FAM162B: variants seen among roughly 807,000 people sequenced by gnomAD.
FAM162B encodes the protein protein FAM162B.
In FAM162B, 16 loss-of-function variants were observed where a neutral mutation model predicts 20.0. The ratio of observed to expected loss-of-function variants is 0.80; its 90% confidence interval spans 0.54 to 1.21. The LOEUF (loss-of-function observed/expected upper bound fraction) is 1.21. Ranked by LOEUF, FAM162B falls within the 50% of genes most tolerant of loss-of-function variation. FAM162B has a pLI of 0.00. For synonymous variants in FAM162B, 83 were observed against 89.7 expected, an observed-to-expected ratio of 0.93 and a Z score of 0.42; for missense variants, 260 against 227.5, an observed-to-expected ratio of 1.14 and a Z score of -0.92.
rs1035503362 is a variant in FAM162B, at chr6:116,765,628, G to C, written c.-52C>G. The C allele has an allele frequency of 2.4e-6, 3 of 1,270,736 alleles. No homozygotes were observed. The highest frequency in any genetic ancestry group is 3.0e-6 in the Non-Finnish European group (3 of 1,012,694). The allele number at this position is 1,270,736 out of a possible 1,614,324, so 78.7% of individuals were successfully genotyped here. A position where few individuals can be genotyped will look rare whatever the true frequency, so the allele number is the denominator to read the frequency against. ...CGCACCTCCGGACCCAGCCACAGGCGTTGTCCCCGCAGCTCTCCTCGTCCC... is the reference window on the plus strand; with the variant it reads ...CGCACCTCCGGACCCAGCCACAGGCCTTGTCCCCGCAGCTCTCCTCGTCCC... On this transcript the variant is annotated 5_prime_UTR_variant, in exon 1 of 4. Coordinates refer to ENST00000368557, the MANE Select transcript of FAM162B (RefSeq NM_001085480.3).
chr6:116,756,554 G>C (rs72962079), intron 3 of FAM162B, among the ~76,000 whole-genome samples: 6,680 of 152,298 alleles, frequency 0.044, 208 homozygotes, highest in Middle Eastern at 0.1. Flanking sequence ...GGTAGGGTTT[G>C]AGAGAACTGA....
intron 3 of FAM162B, among the ~76,000 whole-genome samples, chr6:116,754,581 A>G (rs1352907341): frequency 6.6e-6 from 1 of 152,210 alleles, no homozygotes; most frequent in Non-Finnish European, 1.5e-5. Context: ...CCTCTATGTC[A>G]GGAGTTGGAG....
In FAM162B at chr6:116,752,699, T is replaced by TGG; in HGVS notation, c.391-6_391-5dup. ...AGGATTCATGTCGTTCTACAGCCTGTGGGGGGGAAGAAATATATATATATA... is the reference window on the plus strand; with the variant it reads ...AGGATTCATGTCGTTCTACAGCCTGTGGGGGGGGGAAGAAATATATATATATA... On this transcript the variant is annotated splice_polypyrimidine_tract_variant and splice_region_variant and intron_variant, in intron 3 of 3. Coordinates refer to ENST00000368557, the MANE Select transcript of FAM162B (RefSeq NM_001085480.3). The TGG allele has an allele frequency of 1.4e-6, 2 of 1,430,348 alleles. No homozygotes were observed. The highest frequency in any genetic ancestry group is 1.6e-5 in the African/African-American group (1 of 61,616). The allele number at this position is 1,430,348 out of a possible 1,614,324, so 88.6% of individuals were successfully genotyped here. A position where few individuals can be genotyped will look rare whatever the true frequency, so the allele number is the denominator to read the frequency against.
chr6:116,753,028 C>A (rs1780010358), intron 3 of FAM162B, among the ~76,000 whole-genome samples: 1 of 151,922 alleles, frequency 6.6e-6, no homozygotes, highest in Non-Finnish European at 1.5e-5. Flanking sequence ...TGAAGGATAC[C>A]TAGTGTGCAT....
chr6:116,765,031 A>G lies in FAM162B; in HGVS notation c.281+116T>C, dbSNP rs549194871. 147 of 862,016 alleles carry G rather than the reference A, an allele frequency of 1.7e-4. No individual in the cohort carries two copies. The African/African-American group carries it at 2.3e-3, about 13-fold the overall frequency. The allele number at this position is 862,016 out of a possible 1,614,324, so 53.4% of individuals were successfully genotyped here. On this transcript the variant is annotated intron_variant, in intron 2 of 3. Coordinates refer to ENST00000368557, the MANE Select transcript of FAM162B (RefSeq NM_001085480.3). ...TCCGTGTGTGGTGGGTGATATTGCG[A>G]AGTGTTGGCACTGCGGCCGCTTTCG...
At position 116,765,488 on chromosome 6, in the gene FAM162B, C is replaced by A; in HGVS notation, c.89G>T (p.Arg30Leu). ...GPGAPLEATR[R>L]PAPALPPRGL... ...CCGGGGCGGAAGAGCCGGTGCGGGC[C>A]GTCGCGTGGCCTCGAGAGGCGCCCC... The change falls in exon 1 of 4, where the codon CGG becomes CTG. Residue 30 changes from arginine (R) to leucine (L), a missense_variant. Arg to Leu is a moderately radical substitution (Grantham distance 102, BLOSUM62 -2). Transcript: ENST00000368557. 5 of 1,406,728 alleles carry A rather than the reference C, an allele frequency of 3.6e-6. No individual in the cohort carries two copies. The highest frequency in any genetic ancestry group is 1.6e-5 in the South Asian group (1 of 63,342). 87.1% of individuals were successfully genotyped at this position (1,406,728 alleles called of 1,614,324 possible).
chr6:116,761,733 TACACAC>T (rs572093016), intron 3 of FAM162B, among the ~76,000 whole-genome samples: 6 of 139,428 alleles, frequency 4.3e-5, no homozygotes, highest in African/African-American at 1.3e-4. Flanking sequence ...TACTTATATA[TACACAC>T]ACACACACAC....
intron 3 of FAM162B, among the ~76,000 whole-genome samples, chr6:116,761,358 T>C (rs1317293115): frequency 4.6e-5 from 7 of 152,038 alleles, no homozygotes; most frequent in Non-Finnish European, 4.4e-5. Context: ...CTAGAATACC[T>C]TGGCAATCAC....
chr6:116,763,734 TAAA>T (rs1771850702), intron 2 of FAM162B, among the ~76,000 whole-genome samples: 2 of 151,780 alleles, frequency 1.3e-5, no homozygotes, highest in African/African-American at 4.8e-5. Context: ...CCACTAGAAA[TAAA>T]AATTCAAACC....
In FAM162B at chr6:116,765,691, C is replaced by T; in HGVS notation, c.-115G>A. On this transcript the variant is annotated 5_prime_UTR_variant, in exon 1 of 4. Transcript: ENST00000368557. ...CGCGCGCTGGAGAGCCTGGGACGTG[C>T]AGCTGGAACCCCTGGCGCTCGCACA... 1 of 1,148,036 alleles carries T rather than the reference C, an allele frequency of 8.7e-7. No individual in the cohort carries two copies. The highest frequency in any genetic ancestry group is 1.1e-6 in the Non-Finnish European group (1 of 911,670). 71.1% of individuals were successfully genotyped at this position (1,148,036 alleles called of 1,614,324 possible). A position where few individuals can be genotyped will look rare whatever the true frequency, so the allele number is the denominator to read the frequency against.
chr6:116,760,894 A>G (rs1780132983), intron 3 of FAM162B, among the ~76,000 whole-genome samples: 1 of 152,204 alleles, frequency 6.6e-6, no homozygotes, highest in Non-Finnish European at 1.5e-5. Context: ...GAATCACAGA[A>G]TTGGGCAGAA....
chr6:116,752,779 A>C, intron 3 of FAM162B, 84 bp from the exon 4 acceptor site: 7 of 369,670 alleles, frequency 1.9e-5, no homozygotes, highest in Non-Finnish European at 2.8e-5. Flanking sequence ...TATATATCTC[A>C]CTGTGACTCT....
chr6:116,765,364 C>G, intron 1 of FAM162B, 41 bp downstream of exon 1: 1 of 1,512,570 alleles, frequency 6.6e-7, no homozygotes, highest in Non-Finnish European at 8.9e-7. Flanking sequence ...CTCCCGCAAC[C>G]TCCTCCCTCC....
chr6:116,753,158 C>A (rs1780011713), intron 3 of FAM162B, among the ~76,000 whole-genome samples: 1 of 151,888 alleles, frequency 6.6e-6, no homozygotes, highest in African/African-American at 2.4e-5. Flanking sequence ...TTGCTAAAGT[C>A]AAAAAAACCC....
At chr6:116,764,492 CT>C (rs999555430) in intron 2 of FAM162B, among the ~76,000 whole-genome samples, 3 of 151,604 alleles carry the variant, frequency 2.0e-5, no homozygotes, top group Non-Finnish European at 2.9e-5. Flanking sequence ...GTTACATTAC[CT>C]TAGAGGGGGA....
chr6:116,758,624 C>T (rs1780080576), intron 3 of FAM162B, among the ~76,000 whole-genome samples: 1 of 152,004 alleles, frequency 6.6e-6, no homozygotes, highest in African/African-American at 2.4e-5. Flanking sequence ...CAGTTTTGTT[C>T]TATATTTAGA....
chr6:116,759,549 C>T (rs1193013294), intron 3 of FAM162B, among the ~76,000 whole-genome samples: 5 of 151,824 alleles, frequency 3.3e-5, no homozygotes, highest in Admixed American at 6.6e-5. Flanking sequence ...CCTTGTGATC[C>T]GCCCGCCTCG....
rs1771858714 is a variant in FAM162B at position 116,764,153 on chromosome 6, T to C, written c.281+994A>G. On this transcript the variant is annotated intron_variant, in intron 2 of 3. Coordinates refer to ENST00000368557, the MANE Select transcript of FAM162B (RefSeq NM_001085480.3). ...TGCTTTGGTAACTGATAAACTGCAA[T>C]TGTTTATAAACAATAACATGGCAGG... Among the ~76,000 whole-genome samples, 2 of 152,176 alleles carry C rather than the reference T, an allele frequency of 1.3e-5. 1 individual carries two copies. The highest frequency in any genetic ancestry group is 4.1e-4 in the South Asian group (2 of 4,836).
At chr6:116,758,509 T>TA (rs1780078706) in intron 3 of FAM162B, among the ~76,000 whole-genome samples, 1 of 143,908 alleles carries the variant, frequency 6.9e-6, no homozygotes, top group South Asian at 2.3e-4. Flanking sequence ...GTATTTTTCC[T>TA]AGTTTGTCAT....
Sources: allele counts gnomAD v4.1 joint callset (sites outside exome capture counted in the v4.1 genomes callset), GRCh38; gene constraint gnomAD v4.1.1; transcripts MANE v1.5; gene names NCBI Gene and HGNC (gene_info 2026-07-23, HGNC 2026-07-21).